SYT9: variants seen among roughly 807,000 people sequenced by gnomAD.
SYT9 encodes synaptotagmin 9.
A neutral mutation model predicts 48.4 loss-of-function variants in SYT9; 22 were observed. That is an observed-to-expected ratio of 0.45 (90% confidence interval 0.32 to 0.65). SYT9 has a LOEUF of 0.65. Among genes scored for constraint, SYT9 ranks in the 30% least tolerant of loss-of-function variants. The pLI is 0.03. For synonymous variants in SYT9, 265 were observed against 245.0 expected (o/e 1.08, Z -0.76); for missense variants, 577 against 622.0 (o/e 0.93, Z 0.77).
At chr11:7,386,011 A>C (rs937441687) in intron 3 of SYT9, among the ~76,000 whole-genome samples, 5 of 152,168 alleles carry the variant, frequency 3.3e-5, no homozygotes, top group Non-Finnish European at 7.3e-5. Flanking sequence ...GTATTGCTCT[A>C]TTTATTTAGA....
intron 3 of SYT9, among the ~76,000 whole-genome samples, chr11:7,360,790 C>T (rs1850120083): frequency 6.6e-6 from 1 of 152,080 alleles, no homozygotes; most frequent in South Asian, 2.1e-4. Flanking sequence ...AAAATCTTTC[C>T]TCTGGAAAAT....
intron 2 of SYT9, among the ~76,000 whole-genome samples, chr11:7,311,896 G>A (rs1849140975): frequency 6.6e-6 from 1 of 152,136 alleles, no homozygotes; most frequent in South Asian, 2.1e-4. Context: ...AGCTCAGAAA[G>A]CCAGTTTTAG....
At chr11:7,378,359 G>T (rs1158248005) in intron 3 of SYT9, among the ~76,000 whole-genome samples, 2 of 152,072 alleles carry the variant, frequency 1.3e-5, no homozygotes, top group Admixed American at 6.6e-5. Context: ...TCCATGGAAC[G>T]ATTTAAGCTA....
At chr11:7,385,411 G>C (rs908049990) in intron 3 of SYT9, among the ~76,000 whole-genome samples, 6 of 151,830 alleles carry the variant, frequency 4.0e-5, no homozygotes, top group African/African-American at 1.5e-4. Flanking sequence ...AACTCTGTCA[G>C]ACATTTAAGT....
At chr11:7,245,009 C>T (rs1554895136) in intron 1 of SYT9, among the ~76,000 whole-genome samples, 1 of 152,144 alleles carries the variant, frequency 6.6e-6, no homozygotes, top group Non-Finnish European at 1.5e-5. Context: ...ACGTAGAAGA[C>T]AGATAAGATG....
intron 3 of SYT9, among the ~76,000 whole-genome samples, chr11:7,408,161 C>G (rs1229492880): frequency 1.3e-5 from 2 of 152,140 alleles, no homozygotes; most frequent in Non-Finnish European, 2.9e-5. Context: ...TGGAGTCTCG[C>G]TCTGTTGCCC....
chr11:7,274,906 C>T (rs1047011012), intron 1 of SYT9, among the ~76,000 whole-genome samples: 1 of 152,076 alleles, frequency 6.6e-6, no homozygotes, highest in African/African-American at 2.4e-5. Context: ...AGTCAACAAG[C>T]ATTATTTGAA....
At chr11:7,338,043 G>C (rs934078526) in intron 3 of SYT9, among the ~76,000 whole-genome samples, 1 of 152,162 alleles carries the variant, frequency 6.6e-6, no homozygotes, top group African/African-American at 2.4e-5. Flanking sequence ...TTCAGAGCTT[G>C]TTACTGGCCT....
At chr11:7,278,331 G>T (rs1365097310) in intron 1 of SYT9, among the ~76,000 whole-genome samples, 2 of 151,998 alleles carry the variant, frequency 1.3e-5, no homozygotes, top group African/African-American at 2.4e-5. Flanking sequence ...TCTTTTAAAG[G>T]CCCCCACCTC....
chr11:7,340,896 G>C (rs1849702014), intron 3 of SYT9, among the ~76,000 whole-genome samples: 1 of 152,180 alleles, frequency 6.6e-6, no homozygotes, highest in Non-Finnish European at 1.5e-5. Flanking sequence ...AAACACTCTG[G>C]CTACTTTTTC....
intron 3 of SYT9, among the ~76,000 whole-genome samples, chr11:7,403,090 G>C (rs1237997342): frequency 6.6e-6 from 1 of 152,036 alleles, no homozygotes; most frequent in Non-Finnish European, 1.5e-5. Flanking sequence ...AGAAGCTGAG[G>C]TTATTGACAT....
intron 3 of SYT9, among the ~76,000 whole-genome samples, chr11:7,407,364 T>A (rs201451972): frequency 0.017 from 300 of 17,514 alleles, 8 homozygotes; most frequent in African/African-American, 0.07. Context: ...TCTATAATTT[T>A]TTTTTTTTTT....
At chr11:7,293,976 C>T (rs190400681) in intron 1 of SYT9, among the ~76,000 whole-genome samples, 3 of 152,258 alleles carry the variant, frequency 2.0e-5, no homozygotes, top group Admixed American at 2.0e-4. Context: ...ATTTGGGCTA[C>T]TATAACAGAA....
chr11:7,312,316 T>A (rs1191522328), intron 2 of SYT9, among the ~76,000 whole-genome samples: 2 of 152,212 alleles, frequency 1.3e-5, no homozygotes, highest in African/African-American at 2.4e-5. Flanking sequence ...CAAATTCAAA[T>A]GTTTACTCTG....
chr11:7,300,721 C>T (rs940573575), intron 1 of SYT9, among the ~76,000 whole-genome samples: 4 of 152,258 alleles, frequency 2.6e-5, no homozygotes, highest in East Asian at 1.9e-4. Flanking sequence ...TTGGAGAGGG[C>T]GGGGATTGAT....
At chr11:7,458,070 C>T (rs976637434) in intron 6 of SYT9, 4 of 152,184 alleles carry the variant, frequency 2.6e-5, no homozygotes, top group African/African-American at 7.2e-5. Context: ...TGAATACCTA[C>T]TATAGGTGCT....
At chr11:7,360,255 A>C (rs12418727) in intron 3 of SYT9, among the ~76,000 whole-genome samples, 96,332 of 151,794 alleles carry the variant, frequency 0.63, 30,844 homozygotes, top group East Asian at 0.79. Flanking sequence ...GTTACTGTAG[A>C]CTTGTAGTAT....
At chr11:7,336,903 A>T (rs896058997) in intron 3 of SYT9, among the ~76,000 whole-genome samples, 14 of 152,184 alleles carry the variant, frequency 9.2e-5, no homozygotes, top group African/African-American at 2.9e-4. Context: ...TTGGTAGTTT[A>T]ATAGGAATAG....
intron 1 of SYT9, among the ~76,000 whole-genome samples, chr11:7,290,192 C>T (rs973034618): frequency 6.6e-6 from 1 of 152,190 alleles, no homozygotes; most frequent in African/African-American, 2.4e-5. Flanking sequence ...AGTCCACTCT[C>T]TATTCTGACA....
Sources: gnomAD v4.1 joint callset for allele counts (sites outside exome capture counted in the v4.1 genomes callset) on GRCh38, gnomAD v4.1.1 for gene constraint, MANE v1.5 for transcripts, NCBI Gene and HGNC (gene_info 2026-07-23, HGNC 2026-07-21) for gene names.